The following CDH11 variants were observed in gnomAD, a reference collection of about 807,000 sequenced individuals.
The protein encoded by CDH11 is cadherin-11.
CDH11 carries 11 observed loss-of-function variants against 67.8 expected under a neutral mutation model. The observed-to-expected ratio is 0.16, with a 90% CI of 0.10 to 0.27. The LOEUF (loss-of-function observed/expected upper bound fraction) is 0.27, where lower values mean the gene tolerates loss of function less well. Among genes scored for constraint, CDH11 ranks in the 10% least tolerant of loss-of-function variants. The pLI, the probability that CDH11 is intolerant of heterozygous loss-of-function variation, is 1.00. For synonymous variants in CDH11, 419 were observed against 400.0 expected, an observed-to-expected ratio of 1.05 and a Z score of -0.57; for missense variants, 847 against 1,031.2, an observed-to-expected ratio of 0.82 and a Z score of 2.45.
intron 2 of CDH11, among the ~76,000 whole-genome samples, chr16:65,023,243 T>C (rs1415489801): frequency 7.2e-5 from 11 of 151,958 alleles, no homozygotes; most frequent in Non-Finnish European, 1.5e-4. Flanking sequence ...ATAAAGAACA[T>C]AGGAAAGGAC....
chr16:65,102,533 T>G (rs1290204492), intron 1 of CDH11, among the ~76,000 whole-genome samples: 1 of 152,238 alleles, frequency 6.6e-6, no homozygotes, highest in Admixed American at 6.5e-5. Flanking sequence ...GACCCTGGCC[T>G]GTAGCCAAAG....
At chr16:64,984,272 A>G (rs35205) in intron 7 of CDH11, among the ~76,000 whole-genome samples, 39,964 of 152,116 alleles carry the variant, frequency 0.26, 6,036 homozygotes, top group Middle Eastern at 0.36. Context: ...TTAGAAGTCT[A>G]CTGAGTCTTA....
intron 4 of CDH11, among the ~76,000 whole-genome samples, chr16:64,995,026 G>T (rs4967879): frequency 2.0e-5 from 3 of 151,868 alleles, no homozygotes; most frequent in Non-Finnish European, 4.4e-5. Flanking sequence ...TGTACAAGGA[G>T]AATTTCGAAA....
chr16:65,005,150 G>A (rs990664024), intron 2 of CDH11, 109 bp from the exon 3 acceptor site: 15 of 1,012,312 alleles, frequency 1.5e-5, no homozygotes, highest in South Asian at 1.5e-4. Flanking sequence ...TGGGAGCTAC[G>A]GGCTTTGGGG....
chr16:64,988,037 A>G, intron 7 of CDH11, 120 bp downstream of exon 7: 1 of 688,120 alleles, frequency 1.5e-6, no homozygotes, highest in Non-Finnish European at 2.5e-6. Context: ...CTACAAAGTC[A>G]GGTCAGCCCC....
chr16:65,058,353 A>C (rs1373584723), intron 1 of CDH11, among the ~76,000 whole-genome samples: 1 of 152,228 alleles, frequency 6.6e-6, no homozygotes, highest in African/African-American at 2.4e-5. Flanking sequence ...AACAAGTGAA[A>C]TATCAGGTTT....
chr16:64,965,205 C>CAAAAAAA (rs71143537), intron 11 of CDH11, among the ~76,000 whole-genome samples: 3 of 56,954 alleles, frequency 5.3e-5, no homozygotes, highest in South Asian at 6.2e-4. Flanking sequence ...CTAAAAATAC[C>CAAAAAAA]AAAAAAAAAA....
rs145223042 is a variant in CDH11 at position 65,109,663 on chromosome 16, G to A, written c.-298+12217C>T. On this transcript the variant is annotated intron_variant, in intron 1 of 12. Coordinates refer to ENST00000268603, the MANE Select transcript of CDH11 (RefSeq NM_001797.4). ...TTCCAGCTTTTGAGATTTTTGCATT[G>A]GCTCCTTGGCTAGAGTCCATAGAAA... 3.1e-3 allele frequency among the ~76,000 whole-genome samples: 467 copies of A among 152,200 alleles called. 5 individuals carry two copies. The highest frequency in any genetic ancestry group is 0.011 in the African/African-American group (457 of 41,522).
At chr16:65,025,478 G>A (rs2073515186) in intron 2 of CDH11, among the ~76,000 whole-genome samples, 1 of 152,038 alleles carries the variant, frequency 6.6e-6, no homozygotes, top group African/African-American at 2.4e-5. Flanking sequence ...GAGTAGCTGG[G>A]ACTAAAGGCA....
At chr16:65,110,614 A>C (rs2075139471) in intron 1 of CDH11, among the ~76,000 whole-genome samples, 1 of 146,962 alleles carries the variant, frequency 6.8e-6, no homozygotes, top group Non-Finnish European at 1.5e-5. Context: ...TGAGTTATCC[A>C]TGGCCAATGA....
intron 2 of CDH11, among the ~76,000 whole-genome samples, chr16:65,045,335 A>G (rs1484300427): frequency 3.6e-5 from 2 of 55,416 alleles, no homozygotes; most frequent in African/African-American, 1.4e-4. Context: ...AAAAGTATAT[A>G]TATATATATA....
intron 11 of CDH11, among the ~76,000 whole-genome samples, chr16:64,969,383 AG>A (rs34092544): frequency 2.6e-5 from 4 of 152,188 alleles, no homozygotes; most frequent in Non-Finnish European, 5.9e-5. Context: ...ATACAGCCCC[AG>A]GAGTTAGACC....
chr16:65,070,508 A>G (rs749641882), intron 1 of CDH11, among the ~76,000 whole-genome samples: 10 of 152,212 alleles, frequency 6.6e-5, no homozygotes, highest in Non-Finnish European at 1.2e-4. Flanking sequence ...CTCTAATGAC[A>G]AACTCACAGC....
upstream of CDH11, chr16:65,122,101 G>A (rs2075343763): frequency 1.7e-6 from 1 of 573,732 alleles, no homozygotes; most frequent in African/African-American, 2.0e-5. Flanking sequence ...ATGAGAAACC[G>A]GGGGGAGGTG....
chr16:65,025,718 G>A (rs1286703704), intron 2 of CDH11, among the ~76,000 whole-genome samples: 6 of 152,154 alleles, frequency 3.9e-5, no homozygotes, highest in African/African-American at 1.4e-4. Flanking sequence ...TATTATTACA[G>A]AAAGGAGATG....
chr16:64,979,817 A>G (rs1292691883), intron 8 of CDH11, among the ~76,000 whole-genome samples: 1 of 152,176 alleles, frequency 6.6e-6, no homozygotes, highest in East Asian at 1.9e-4. Context: ...CAACTCAAAC[A>G]TGTATCCAAA....
chr16:65,050,165 C>A (rs1455443514), intron 2 of CDH11, among the ~76,000 whole-genome samples: 1 of 152,200 alleles, frequency 6.6e-6, no homozygotes, highest in Admixed American at 6.5e-5. Flanking sequence ...CTGTGCTCTA[C>A]TGAAAACCCA....
chr16:64,974,273 C>A (rs190451716), intron 8 of CDH11, among the ~76,000 whole-genome samples: 1 of 152,110 alleles, frequency 6.6e-6, no homozygotes, highest in Non-Finnish European at 1.5e-5. Context: ...TCAGGTAGTA[C>A]GCTGAGCTTC....
chr16:65,108,627 T>C (rs1404890463), intron 1 of CDH11, among the ~76,000 whole-genome samples: 3 of 152,338 alleles, frequency 2.0e-5, no homozygotes, highest in African/African-American at 4.8e-5. Context: ...TTCACCCTGA[T>C]TTTCAATTTG....
Sources: gnomAD v4.1 joint callset for allele counts (sites outside exome capture counted in the v4.1 genomes callset) on GRCh38, gnomAD v4.1.1 for gene constraint, MANE v1.5 for transcripts, NCBI Gene and HGNC (gene_info 2026-07-23, HGNC 2026-07-21) for gene names.